The following INTS3 variants were observed in gnomAD, a reference collection of about 807,000 sequenced individuals.
The protein encoded by INTS3 is integrator complex subunit 3, also known as SOSS complex subunit A.
INTS3 carries 34 observed loss-of-function variants against 146.3 expected under a neutral mutation model. The observed-to-expected ratio is 0.23, with a 90% CI of 0.18 to 0.31. The LOEUF is 0.31. INTS3 is among the 10% of genes least tolerant of loss of function. INTS3 has a pLI of 1.00. For missense variants in INTS3, 757 were observed against 1,304.2 expected (o/e 0.58, Z 6.46); for synonymous variants, 475 against 494.9 (o/e 0.96, Z 0.53).
At chr1:153,729,853 G>A (rs1410698041) in intron 1 of INTS3, among the ~76,000 whole-genome samples, 3 of 115,528 alleles carry the variant, frequency 2.6e-5, no homozygotes, top group Non-Finnish European at 5.1e-5. Flanking sequence ...GACAGAGCGA[G>A]AGACCCCGTC....
Position 153,757,518 on chromosome 1 carries a change from C to A in INTS3, c.958-54C>A. The A allele has an allele frequency of 6.5e-7, 1 of 1,529,538 alleles. No individual in the cohort carries two copies. The highest frequency in any genetic ancestry group is 9.0e-7 in the Non-Finnish European group (1 of 1,111,450). The allele number at this position is 1,529,538 out of a possible 1,614,324, so 94.7% of individuals were successfully genotyped here. A position where few individuals can be genotyped will look rare whatever the true frequency, so the allele number is the denominator to read the frequency against. On this transcript the variant is annotated intron_variant, in intron 9 of 29. Coordinates refer to ENST00000318967, the MANE Select transcript of INTS3 (RefSeq NM_023015.5). The surrounding 1 kb of genome is among the most constrained non-coding windows in gnomAD (Gnocchi z 4.0). ...TTAAGTGGTGCTCGTTTTCCTCTGG[C>A]CAAGGACCCCACACTGTCTTCTAAG...
At chr1:153,764,555 C>G in intron 18 of INTS3, 135 bp from the exon 19 acceptor site, 1 of 779,924 alleles carries the variant, frequency 1.3e-6, no homozygotes, top group Non-Finnish European at 2.3e-6. Context: ...TCTCTGTTAC[C>G]AAGCCTGCGG....
chr1:153,730,740 TTTTTC>T (rs770647100), intron 1 of INTS3, among the ~76,000 whole-genome samples: 6 of 152,188 alleles, frequency 3.9e-5, no homozygotes, highest in Non-Finnish European at 5.9e-5. Flanking sequence ...GGTCTTTCTT[TTTTTC>T]TGATCTCCAT....
chr1:153,732,536 C>T (rs1316872492), intron 1 of INTS3, among the ~76,000 whole-genome samples: 1 of 151,876 alleles, frequency 6.6e-6, no homozygotes, highest in Non-Finnish European at 1.5e-5. Context: ...ACCTCTGCCT[C>T]CTGTGTTCAA....
At chr1:153,760,005 G>A (rs1375562638) in intron 11 of INTS3, 11 of 507,856 alleles carry the variant, frequency 2.2e-5, no homozygotes, top group Non-Finnish European at 2.8e-5. Flanking sequence ...GTGGAAATGG[G>A]GGGAATAGAC....
chr1:153,752,350 T>A lies in INTS3; in HGVS notation c.801T>A (p.Phe267Leu). ...LLQNVARIPE[F>L]ELLWKDIIHN... is the part of the protein sequence containing the mutation. ...AGAATGTTGCTAGGATACCAGAATTTGAACTGCTTTGGAAAGATATTATCC... is the reference window on the plus strand; with the variant it reads ...AGAATGTTGCTAGGATACCAGAATTAGAACTGCTTTGGAAAGATATTATCC... The change falls in exon 8 of 30, where the codon TTT becomes TTA. Residue 267 changes from phenylalanine to leucine, a missense_variant. Phe to Leu is a conservative substitution (Grantham distance 22). This residue lies in a region of INTS3 where 134 missense variants were observed against 243.1 expected (regional missense o/e 0.55). Transcript: ENST00000318967. The A allele has an allele frequency of 6.2e-7, 1 of 1,613,872 alleles. No homozygotes were observed. Among genetic ancestry groups the A allele is most frequent in the Non-Finnish European group, 8.5e-7 (1 of 1,179,860 alleles).
chr1:153,770,134 GGT>G (rs375227443), intron 23 of INTS3, 62 bp from the exon 24 acceptor site: 52,648 of 370,150 alleles, frequency 0.14, 1,685 homozygotes, highest in African/African-American at 0.38. Context: ...GGGTGGGGGG[GGT>G]GTGTGTGTGT....
intron 23 of INTS3, 71 bp from the exon 24 acceptor site, chr1:153,770,127 T>TG (rs371912410): frequency 4.2e-4 from 125 of 299,332 alleles, no homozygotes; most frequent in African/African-American, 2.1e-3. Flanking sequence ...GATGGGGGGG[T>TG]GGGGGGGGTG....
chr1:153,761,667 C>A lies in INTS3; in HGVS notation c.1507C>A (p.Pro503Thr). The A allele has an allele frequency of 6.2e-7, 1 of 1,612,266 alleles. No individual in the cohort carries two copies. Among genetic ancestry groups the A allele is most frequent in the Non-Finnish European group, 8.5e-7 (1 of 1,178,248 alleles). Residue 503 changes from proline (P) to threonine (T), a missense_variant, in exon 14 of 30, where the codon CCT becomes ACT. Around this residue, in one of 8 missense-constraint regions of INTS3, gnomAD observed 97 missense variants for 113.6 expected, o/e 0.85. Coordinates refer to ENST00000318967, the MANE Select transcript of INTS3 (RefSeq NM_023015.5). ...FPEFCSSPSPPVEVKIEEPVS... is the reference protein window; with the variant it reads ...FPEFCSSPSPTVEVKIEEPVS... The stretch of plus-strand genomic sequence containing the variant: ...TGAGTTCTGCAGCTCACCCTCCCCA[C>A]CTGTGGAAGGTATGAGGCCCGCCCA...
chr1:153,739,467 C>G (rs145362535), intron 1 of INTS3, among the ~76,000 whole-genome samples: 1 of 151,186 alleles, frequency 6.6e-6, no homozygotes, highest in Non-Finnish European at 1.5e-5. Context: ...CTCAGCCTCC[C>G]GAGTAGCTGG....
intron 8 of INTS3, among the ~76,000 whole-genome samples, chr1:153,753,042 TACACACACAC>T (rs57778477): frequency 2.1e-5 from 3 of 145,532 alleles, no homozygotes; most frequent in Admixed American, 6.9e-5. Context: ...GCTCCCCTCC[TACACACACAC>T]ACACACACAC....
At chr1:153,765,163 C>A in intron 20 of INTS3, 100 bp downstream of exon 20, 2 of 1,302,118 alleles carry the variant, frequency 1.5e-6, no homozygotes, top group African/African-American at 2.9e-5. Context: ...ATCACCAGGG[C>A]CTTCTTTGTG....
chr1:153,758,058 A>T (rs1212900875), intron 10 of INTS3, among the ~76,000 whole-genome samples: 2 of 152,198 alleles, frequency 1.3e-5, no homozygotes, highest in Non-Finnish European at 2.9e-5. Flanking sequence ...CAGAAACCAT[A>T]TACAGCTATT....
rs550260183 is a variant in INTS3, at chr1:153,748,871, G to C, written c.584+116G>C. ...CCAAGAACACCTTAAGTTAGAGAGG[G>C]GGAGGCAAGGAGAGGGAGAGACAAG... On this transcript the variant is annotated intron_variant, in intron 6 of 29. Coordinates refer to ENST00000318967, the MANE Select transcript of INTS3 (RefSeq NM_023015.5). 1.1e-5 allele frequency: 9 copies of C among 828,348 alleles called. No individual in the cohort carries two copies. The African/African-American group carries it at 1.3e-4, about 12-fold the overall frequency. 51.3% of individuals were successfully genotyped at this position (828,348 alleles called of 1,614,324 possible).
At chr1:153,741,776 G>A (rs12041194) in intron 3 of INTS3, among the ~76,000 whole-genome samples, 51,237 of 152,086 alleles carry the variant, frequency 0.34, 9,447 homozygotes, top group East Asian at 0.54. Flanking sequence ...TAAAATTTTA[G>A]TAGGTAGGAT....
At chr1:153,770,543 A>G in intron 24 of INTS3, 142 bp from the exon 25 acceptor site, 1 of 747,666 alleles carries the variant, frequency 1.3e-6, no homozygotes, top group Admixed American at 2.2e-5. Context: ...GACTGATAGG[A>G]GTGGGGTAGG....
Position 153,728,236 on chromosome 1 carries a change from C to T in INTS3, c.-399C>T. On this transcript the variant is annotated 5_prime_UTR_variant, in exon 1 of 30. Transcript: ENST00000318967. ...GGTTTCCTACCTCCTAATTCAGGGGCAGGACTCCTCTTTTCCCCCCACGGG... is the reference window on the plus strand; with the variant it reads ...GGTTTCCTACCTCCTAATTCAGGGGTAGGACTCCTCTTTTCCCCCCACGGG... 1 of 394,604 alleles carries T rather than the reference C, an allele frequency of 2.5e-6. No homozygotes were observed. Among genetic ancestry groups the T allele is most frequent in the Admixed American group, 4.4e-5 (1 of 22,610 alleles). The allele number at this position is 394,604 out of a possible 1,614,324, so 24.4% of individuals were successfully genotyped here. A position where few individuals can be genotyped will look rare whatever the true frequency, so the allele number is the denominator to read the frequency against.
At chr1:153,762,967 A>G in intron 15 of INTS3, 120 bp downstream of exon 15, 1 of 1,348,588 alleles carries the variant, frequency 7.4e-7, no homozygotes, top group Non-Finnish European at 1.0e-6. Context: ...AGTTTTGTTC[A>G]CAGGGTATCT....
chr1:153,747,362 A>T lies in INTS3; in HGVS notation c.516A>T (p.Ala172=). The part of the protein sequence containing the change: ...GVCMTFMKQI[A]GGDVTAKNIW... ...GTATGACGTTTATGAAGCAGATTGCAGGTGAGTTTGATGGCAGGAGCATAA... is the reference window on the plus strand; with the variant it reads ...GTATGACGTTTATGAAGCAGATTGCTGGTGAGTTTGATGGCAGGAGCATAA... Residue 172 remains alanine (A), a splice_region_variant and synonymous_variant, in exon 5 of 30, where the codon GCA becomes GCT. Transcript: ENST00000318967. 6.2e-7 allele frequency: 1 copy of T among 1,613,124 alleles called. No individual in the cohort carries two copies. Among genetic ancestry groups the T allele is most frequent in the Non-Finnish European group, 8.5e-7 (1 of 1,179,056 alleles).
Sources: allele counts gnomAD v4.1 joint callset (sites outside exome capture counted in the v4.1 genomes callset), GRCh38; gene constraint gnomAD v4.1.1; regional missense constraint gnomAD v4.1.1; non-coding constraint Gnocchi (gnomAD v3.1); transcripts MANE v1.5; gene names NCBI Gene and HGNC (gene_info 2026-07-23, HGNC 2026-07-21).